LIMS4: variants seen among roughly 807,000 people sequenced by gnomAD.
LIMS4 encodes LIM zinc finger domain containing 4, also known as LIM and senescent cell antigen-like-containing domain protein 4.
chr2:110,371,237 GAAAAA>G, the LIMS4 span, among the ~76,000 whole-genome samples: 73 of 83,994 alleles, frequency 8.7e-4, no homozygotes, highest in African/African-American at 3.5e-3. Context: ...CTATTAATGA[GAAAAA>G]AAAAAAAAAA....
the LIMS4 span, among the ~76,000 whole-genome samples, chr2:110,368,972 G>C: frequency 8.3e-6 from 1 of 119,798 alleles, no homozygotes; most frequent in Non-Finnish European, 1.7e-5. Context: ...GAAGCATGGA[G>C]TGGCCAAGCA....
At chr2:110,397,442 A>T in the LIMS4 span, 1 of 143,928 alleles carries the variant, frequency 6.9e-6, no homozygotes, top group African/African-American at 2.7e-5. Context: ...GGCCAGAAAG[A>T]CAGACTTGAA....
At chr2:110,418,701 G>T in the LIMS4 span, among the ~76,000 whole-genome samples, 1 of 70,988 alleles carries the variant, frequency 1.4e-5, no homozygotes, top group Non-Finnish European at 2.6e-5. Context: ...TGTTGCCCAG[G>T]CTAGAGTGCA....
the LIMS4 span, chr2:110,360,763 GGTTT>G: frequency 1.9e-6 from 3 of 1,586,080 alleles, no homozygotes; most frequent in South Asian, 3.4e-5. Context: ...CTCGTGACTG[GGTTT>G]GTTCTCCTGT....
chr2:110,372,542 G>T, the LIMS4 span, among the ~76,000 whole-genome samples: 1 of 146,896 alleles, frequency 6.8e-6, no homozygotes, highest in African/African-American at 2.7e-5. Context: ...TTTTGCTCTT[G>T]TTGCCCAGAC....
chr2:110,395,320 GCTTCTGT>G, the LIMS4 span, among the ~76,000 whole-genome samples: 3 of 36,796 alleles, frequency 8.2e-5, no homozygotes, highest in East Asian at 3.2e-3. Context: ...AAGATTCCCT[GCTTCTGT>G]CTGCACCTGA....
the LIMS4 span, among the ~76,000 whole-genome samples, chr2:110,425,782 A>G: frequency 1.9e-4 from 26 of 139,546 alleles, 1 homozygote; most frequent in Admixed American, 7.6e-4. Context: ...AGGGCCTTGC[A>G]GAAAGGAACA....
At chr2:110,403,349 GA>G in the LIMS4 span, 1 of 60,754 alleles carries the variant, frequency 1.6e-5, no homozygotes, top group Admixed American at 2.3e-4. Flanking sequence ...ACCATTTGAG[GA>G]GTGACTTTTG....
At chr2:110,373,652 C>G in the LIMS4 span, among the ~76,000 whole-genome samples, 5 of 151,586 alleles carry the variant, frequency 3.3e-5, no homozygotes, top group Non-Finnish European at 7.3e-5. Context: ...TCTCCCCAGT[C>G]ACAGGGCTGG....
chr2:110,368,897 T>G, the LIMS4 span, among the ~76,000 whole-genome samples: 23 of 146,896 alleles, frequency 1.6e-4, no homozygotes, highest in African/African-American at 5.5e-4. Flanking sequence ...TAAAGGTTTT[T>G]TTTTTTTTTT....
chr2:110,368,115 TAAC>T, the LIMS4 span, among the ~76,000 whole-genome samples: 1 of 147,038 alleles, frequency 6.8e-6, no homozygotes, highest in African/African-American at 2.6e-5. Flanking sequence ...TGGGCTACCT[TAAC>T]AAATAAGGCA....
chr2:110,382,138 TATATATATATATAC>T, the LIMS4 span, among the ~76,000 whole-genome samples: 4 of 96,232 alleles, frequency 4.2e-5, no homozygotes, highest in Admixed American at 2.4e-4. Context: ...TATATATATA[TATATATATATATAC>T]ATGTTTGAAC....
At chr2:110,378,934 A>G in the LIMS4 span, among the ~76,000 whole-genome samples, 1 of 146,512 alleles carries the variant, frequency 6.8e-6, no homozygotes, top group Admixed American at 6.7e-5. Context: ...TCTTTTCTAA[A>G]TTTATAAAAT....
chr2:110,392,446 A>AG, the LIMS4 span, among the ~76,000 whole-genome samples: 132 of 128,430 alleles, frequency 1.0e-3, no homozygotes, highest in African/African-American at 3.6e-3. Flanking sequence ...CAAAAAAAAA[A>AG]AAAGAAAGAA....
chr2:110,382,034 T>C, the LIMS4 span, among the ~76,000 whole-genome samples: 1 of 65,148 alleles, frequency 1.5e-5, no homozygotes, highest in Non-Finnish European at 2.4e-5. Flanking sequence ...GCCACTGCAC[T>C]CCAGCCTGGC....
the LIMS4 span, among the ~76,000 whole-genome samples, chr2:110,389,859 T>C: frequency 6.8e-6 from 1 of 147,188 alleles, no homozygotes; most frequent in African/African-American, 2.6e-5. Flanking sequence ...ACCAGAACCA[T>C]GACCAGGGCC....
the LIMS4 span, among the ~76,000 whole-genome samples, chr2:110,411,233 A>G: frequency 4.4e-5 from 4 of 90,758 alleles, no homozygotes; most frequent in East Asian, 1.4e-3. Context: ...ATATTTAAAA[A>G]ACATTCTAGT....
chr2:110,379,054 T>C, the LIMS4 span, among the ~76,000 whole-genome samples: 1 of 147,566 alleles, frequency 6.8e-6, no homozygotes, highest in African/African-American at 2.6e-5. Context: ...ATATTAAGTG[T>C]GTGGCACCAT....
At chr2:110,390,806 C>T in the LIMS4 span, among the ~76,000 whole-genome samples, 1 of 152,204 alleles carries the variant, frequency 6.6e-6, no homozygotes, top group African/African-American at 2.4e-5. Flanking sequence ...GTGAAAAAGA[C>T]AGATATGGTA....
Sources: allele counts gnomAD v4.1 joint callset (sites outside exome capture counted in the v4.1 genomes callset), GRCh38; gene constraint gnomAD v4.1.1; transcripts MANE v1.5; gene names NCBI Gene and HGNC (gene_info 2026-07-23, HGNC 2026-07-21).